TNIK: variants seen among roughly 807,000 people sequenced by gnomAD.
The protein encoded by TNIK is TRAF2 and NCK interacting kinase.
In TNIK, 49 loss-of-function variants were observed where a neutral mutation model predicts 191.3. That is an observed-to-expected ratio of 0.26 (90% CI 0.20 to 0.32). The LOEUF is 0.32. Among genes scored for constraint, TNIK ranks in the 10% least tolerant of loss-of-function variants. The pLI, the probability that TNIK is intolerant of heterozygous loss-of-function variation, is 1.00. For synonymous variants in TNIK, 594 were observed against 600.9 expected (o/e 0.99, Z 0.17); for missense variants, 1,155 against 1,702.3 (o/e 0.68, Z 5.66).
chr3:171,157,785 G>T, intron 11 of TNIK, 121 bp from the exon 12 acceptor site: 2 of 994,760 alleles, frequency 2.0e-6, no homozygotes, highest in Non-Finnish European at 1.5e-6. Flanking sequence ...AAGAGCACAG[G>T]CTCCTAGATC....
intron 3 of TNIK, among the ~76,000 whole-genome samples, chr3:171,219,739 AC>A (rs1243147028): frequency 6.6e-6 from 1 of 152,154 alleles, no homozygotes; most frequent in African/African-American, 2.4e-5. Context: ...AAGTCAGGAA[AC>A]AATAGATGCT....
intron 2 of TNIK, among the ~76,000 whole-genome samples, chr3:171,361,785 C>A (rs1715012893): frequency 6.6e-6 from 1 of 152,120 alleles, no homozygotes; most frequent in South Asian, 2.1e-4. Flanking sequence ...CTTACATGTA[C>A]ATAGGAATTT....
intron 23 of TNIK, among the ~76,000 whole-genome samples, chr3:171,093,368 T>C (rs1304901495): frequency 6.6e-6 from 1 of 152,076 alleles, no homozygotes; most frequent in Admixed American, 6.5e-5. Flanking sequence ...ATAAAATAAC[T>C]TAACGGTTGT....
At chr3:171,234,762 G>A (rs1034756826) in intron 2 of TNIK, among the ~76,000 whole-genome samples, 1 of 152,178 alleles carries the variant, frequency 6.6e-6, no homozygotes, top group African/African-American at 2.4e-5. Context: ...CAGATTCCGT[G>A]GCAGGGAGCC....
intron 21 of TNIK, among the ~76,000 whole-genome samples, chr3:171,103,906 T>TA (rs1346294568): frequency 6.6e-6 from 1 of 152,044 alleles, no homozygotes; most frequent in Non-Finnish European, 1.5e-5. Flanking sequence ...GCTACTGATT[T>TA]AAAAAAACTT....
At chr3:171,425,399 A>G (rs1724415650) in intron 1 of TNIK, among the ~76,000 whole-genome samples, 2 of 152,208 alleles carry the variant, frequency 1.3e-5, no homozygotes, top group African/African-American at 4.8e-5. Flanking sequence ...AGATTTATTT[A>G]CCATGCTATA....
intron 3 of TNIK, among the ~76,000 whole-genome samples, chr3:171,227,343 A>C (rs1028970997): frequency 6.6e-6 from 1 of 152,172 alleles, no homozygotes; most frequent in African/African-American, 2.4e-5. Context: ...TTATTTGGTC[A>C]GTAATATTTT....
At chr3:171,192,496 A>C (rs922650738) in intron 5 of TNIK, among the ~76,000 whole-genome samples, 3 of 152,224 alleles carry the variant, frequency 2.0e-5, no homozygotes, top group African/African-American at 7.2e-5. Context: ...ATATACTGGA[A>C]AAAGGAGGAA....
At chr3:171,079,704 T>C (rs1720424150) in intron 27 of TNIK, 52 bp from the exon 28 acceptor site, 12 of 1,544,904 alleles carry the variant, frequency 7.8e-6, no homozygotes, top group Non-Finnish European at 1.0e-5. Context: ...GCTCTCACTT[T>C]TTCCTTCCCC....
chr3:171,240,073 T>C (rs1431308232), intron 2 of TNIK, among the ~76,000 whole-genome samples: 1 of 152,198 alleles, frequency 6.6e-6, no homozygotes, highest in African/African-American at 2.4e-5. Flanking sequence ...TTAGCTGCGA[T>C]CCAACTGTGA....
intron 1 of TNIK, among the ~76,000 whole-genome samples, chr3:171,422,233 C>T (rs1238870437): frequency 6.6e-6 from 1 of 152,038 alleles, no homozygotes; most frequent in East Asian, 1.9e-4. Flanking sequence ...TCTCAGGAAA[C>T]ATTAATTTTA....
rs369554940 is a variant in TNIK at position 171,063,675 on chromosome 3, C to T, written c.*206G>A. 35 of 479,442 alleles carry T rather than the reference C, an allele frequency of 7.3e-5. No individual in the cohort carries two copies. The highest frequency in any genetic ancestry group is 6.6e-4 in the African/African-American group (33 of 49,786). 29.7% of individuals were successfully genotyped at this position (479,442 alleles called of 1,614,324 possible). On this transcript the variant is annotated 3_prime_UTR_variant, in exon 33 of 33. Transcript: ENST00000436636. ...CATTCTTGGGGATCTCCTGGAAATT[C>T]CTGCCACCTTTTTCTCTCCTTCTCA... is the stretch of plus-strand genomic sequence containing the variant.
chr3:171,139,363 GACAC>G, intron 14 of TNIK, 103 bp downstream of exon 14: 7 of 891,734 alleles, frequency 7.8e-6, no homozygotes, highest in Non-Finnish European at 3.5e-6. Context: ...ATGTTAGAAG[GACAC>G]ACGCACGCGC....
In TNIK at chr3:171,066,718, A is replaced by T; in HGVS notation, c.3717T>A (p.Thr1239=). Residue 1239 remains threonine, a synonymous_variant, in exon 31 of 33, where the codon ACT becomes ACA. Transcript: ENST00000436636. ...TAGGCAAGATGACAATAGCATGAGG[A>T]GTGATATTGCCCTGAATCTAGAAGA... ...YIPSHIQGNI[T]PHAIVILPKT... 1 of 1,613,762 alleles carries T rather than the reference A, an allele frequency of 6.2e-7. No individual in the cohort carries two copies. The highest frequency in any genetic ancestry group is 1.1e-5 in the South Asian group (1 of 91,034).
intron 2 of TNIK, among the ~76,000 whole-genome samples, chr3:171,314,227 G>T (rs1017079267): frequency 2.6e-5 from 4 of 152,130 alleles, no homozygotes; most frequent in African/African-American, 9.7e-5. Flanking sequence ...CATCAGAGAC[G>T]ATTTCTGGAT....
intron 32 of TNIK, among the ~76,000 whole-genome samples, chr3:171,064,596 C>A (rs1039065550): frequency 1.3e-5 from 2 of 152,164 alleles, no homozygotes; most frequent in Non-Finnish European, 1.5e-5. Context: ...CAAATGAGAT[C>A]ATAGCATTAA....
At chr3:171,134,508 C>T (rs1413409362) in intron 15 of TNIK, among the ~76,000 whole-genome samples, 1 of 152,178 alleles carries the variant, frequency 6.6e-6, no homozygotes, top group Non-Finnish European at 1.5e-5. Context: ...TCTCTAACTA[C>T]TCCTGGGTTC....
intron 21 of TNIK, among the ~76,000 whole-genome samples, chr3:171,105,143 A>AT (rs1469567891): frequency 2.0e-5 from 3 of 151,942 alleles, no homozygotes; most frequent in Non-Finnish European, 4.4e-5. Context: ...TGATTTTCAG[A>AT]TTTTTCATTT....
chr3:171,402,431 T>C (rs576908692), intron 1 of TNIK, among the ~76,000 whole-genome samples: 90 of 152,342 alleles, frequency 5.9e-4, no homozygotes, highest in African/African-American at 2.0e-3. Flanking sequence ...CCTTTCACAA[T>C]GCTAGTTGTG....
Sources: gnomAD v4.1 joint callset for allele counts (sites outside exome capture counted in the v4.1 genomes callset) on GRCh38, gnomAD v4.1.1 for gene constraint, MANE v1.5 for transcripts, NCBI Gene and HGNC (gene_info 2026-07-23, HGNC 2026-07-21) for gene names.